Variants in UNC13C observed in about 807,000 individuals in gnomAD.
UNC13C encodes the protein unc-13 homolog C.
UNC13C carries 174 observed loss-of-function variants against 245.4 expected under a neutral mutation model. That is an observed-to-expected ratio of 0.71 (90% CI 0.63 to 0.80). The LOEUF (loss-of-function observed/expected upper bound fraction) is 0.80. UNC13C is among the 30% of genes least tolerant of loss of function. UNC13C has a pLI of 0.00. For synonymous variants in UNC13C, 992 were observed against 895.1 expected, an observed-to-expected ratio of 1.11 and a Z score of -1.93; for missense variants, 2,829 against 2,602.9, an observed-to-expected ratio of 1.09 and a Z score of -1.89.
At chr15:54,579,541 G>A (rs1019668691) in intron 30 of UNC13C, among the ~76,000 whole-genome samples, 2 of 152,110 alleles carry the variant, frequency 1.3e-5, no homozygotes, top group East Asian at 3.9e-4. Flanking sequence ...GGCAGATCAC[G>A]AGGTCAGGAG....
Position 54,329,759 on chromosome 15 carries a change from G to A in UNC13C, c.4426-2284G>A, listed in dbSNP as rs932010468. On this transcript the variant is annotated intron_variant, in intron 14 of 32. Transcript: ENST00000260323. The stretch of plus-strand genomic sequence containing the variant: ...CTGGCTTTCAGTGACAAGAAGCCCA[G>A]CAGTTTTCTTCACAGTTTTCTATTT... 5.3e-5 allele frequency among the ~76,000 whole-genome samples: 8 copies of A among 152,114 alleles called. No homozygotes were observed. In the East Asian group the frequency reaches 1.5e-3, roughly 29 times the overall value.
the UNC13C span, among the ~76,000 whole-genome samples, chr15:53,860,231 G>C: frequency 6.7e-6 from 1 of 149,316 alleles, no homozygotes; most frequent in Non-Finnish European, 1.5e-5. Flanking sequence ...GTTAGATTCA[G>C]ATGATAATCA....
intron 30 of UNC13C, among the ~76,000 whole-genome samples, chr15:54,610,477 C>A (rs557213825): frequency 6.6e-6 from 1 of 152,176 alleles, no homozygotes; most frequent in South Asian, 2.1e-4. Flanking sequence ...CTCAAGTGAT[C>A]CACCCACCTC....
intron 2 of UNC13C, among the ~76,000 whole-genome samples, chr15:54,126,142 A>G (rs912332287): frequency 6.6e-6 from 1 of 152,198 alleles, no homozygotes; most frequent in Non-Finnish European, 1.5e-5. Flanking sequence ...CATATCAATA[A>G]TTACATTAAA....
At chr15:54,617,084 G>A (rs1020203353) in intron 30 of UNC13C, among the ~76,000 whole-genome samples, 1 of 152,036 alleles carries the variant, frequency 6.6e-6, no homozygotes, top group Non-Finnish European at 1.5e-5. Flanking sequence ...GTTTGTGTAA[G>A]TACACTTGAT....
intron 19 of UNC13C, among the ~76,000 whole-genome samples, chr15:54,460,667 G>T (rs146380826): frequency 7.2e-5 from 11 of 152,334 alleles, no homozygotes; most frequent in African/African-American, 2.4e-4. Context: ...TACGTCCTTT[G>T]TCTTCACAGT....
chr15:54,065,293 A>G (rs1165876122), intron 2 of UNC13C, among the ~76,000 whole-genome samples: 4 of 152,202 alleles, frequency 2.6e-5, no homozygotes, highest in Non-Finnish European at 4.4e-5. Flanking sequence ...TGAGTTGCCA[A>G]CAGCCTTAGT....
chr15:54,165,942 A>G (rs2033149642), intron 4 of UNC13C, among the ~76,000 whole-genome samples: 1 of 151,878 alleles, frequency 6.6e-6, no homozygotes, highest in Non-Finnish European at 1.5e-5. Context: ...GTGAATTCAA[A>G]ATGTTTTCTT....
At chr15:53,925,296 T>A in the UNC13C span, among the ~76,000 whole-genome samples, 1 of 152,224 alleles carries the variant, frequency 6.6e-6, no homozygotes, top group Non-Finnish European at 1.5e-5. Context: ...TTTCTTGTTA[T>A]AAAATTTAAA....
intron 2 of UNC13C, among the ~76,000 whole-genome samples, chr15:54,110,582 A>G (rs1371519254): frequency 6.6e-6 from 1 of 152,240 alleles, no homozygotes; most frequent in East Asian, 1.9e-4. Context: ...AGAGGATTAC[A>G]CTTATTAAGA....
At chr15:54,559,298 A>G (rs1452369132) in intron 29 of UNC13C, among the ~76,000 whole-genome samples, 1 of 151,992 alleles carries the variant, frequency 6.6e-6, no homozygotes, top group Non-Finnish European at 1.5e-5. Context: ...ATGGTGATGA[A>G]CCACATTTTA....
chr15:54,099,605 G>C (rs1900058591), intron 2 of UNC13C, among the ~76,000 whole-genome samples: 1 of 152,070 alleles, frequency 6.6e-6, no homozygotes, highest in African/African-American at 2.4e-5. Flanking sequence ...CAGAGGAGAA[G>C]CCCATCATCA....
the UNC13C span, among the ~76,000 whole-genome samples, chr15:53,883,409 T>A: frequency 1.3e-5 from 2 of 152,196 alleles, no homozygotes; most frequent in African/African-American, 4.8e-5. Flanking sequence ...ACATGTCTCA[T>A]GTTTTGGGGC....
At chr15:54,056,584 C>A (rs1472434329) in intron 2 of UNC13C, among the ~76,000 whole-genome samples, 4 of 152,158 alleles carry the variant, frequency 2.6e-5, no homozygotes, top group Non-Finnish European at 5.9e-5. Context: ...GGCAGGCCAA[C>A]ATTCAAATTC....
the UNC13C span, among the ~76,000 whole-genome samples, chr15:53,968,473 G>A: frequency 6.6e-6 from 1 of 152,136 alleles, no homozygotes; most frequent in Non-Finnish European, 1.5e-5. Context: ...GTGGAGTTAA[G>A]CAGATATACC....
chr15:54,238,708 G>A (rs751125438), intron 7 of UNC13C, among the ~76,000 whole-genome samples: 1 of 152,136 alleles, frequency 6.6e-6, no homozygotes, highest in African/African-American at 2.4e-5. Flanking sequence ...ACTATAACTT[G>A]TTTGTTGTTC....
chr15:54,500,119 G>C lies in UNC13C; in HGVS notation c.5101G>C (p.Glu1701Gln), dbSNP rs768039530. 2 of 1,611,264 alleles carry C rather than the reference G, an allele frequency of 1.2e-6. No homozygotes were observed. The highest frequency in any genetic ancestry group is 1.7e-5 in the Admixed American group (1 of 59,342). ...PFVMQWLDEN[E>Q]DVSMEFLHGA... is the part of the protein sequence containing the mutation. Reference sequence around the variant, plus strand: ...TGTCATGCAATGGCTAGATGAAAACGAAGATGTGTCAATGGAATTCCTTCA... The same window carrying C: ...TGTCATGCAATGGCTAGATGAAAACCAAGATGTGTCAATGGAATTCCTTCA... The change falls in exon 21 of 33, where the codon GAA becomes CAA. Residue 1701 changes from glutamate to glutamine, a missense_variant. Physicochemically the swap from Glu to Gln is conservative, Grantham distance 29. Coordinates refer to ENST00000260323, the MANE Select transcript of UNC13C (RefSeq NM_001080534.3).
the UNC13C span, among the ~76,000 whole-genome samples, chr15:53,942,645 C>T: frequency 1.3e-5 from 2 of 151,572 alleles, no homozygotes; most frequent in South Asian, 2.1e-4. Flanking sequence ...TTCCAGGTAA[C>T]GATTTTCCTG....
intron 4 of UNC13C, among the ~76,000 whole-genome samples, chr15:54,178,543 G>A (rs1021338266): frequency 3.3e-5 from 5 of 152,100 alleles, no homozygotes; most frequent in African/African-American, 1.2e-4. Context: ...CTGTGGAAAC[G>A]AAAAGGATTA....
Sources: allele counts gnomAD v4.1 joint callset (sites outside exome capture counted in the v4.1 genomes callset), GRCh38; gene constraint gnomAD v4.1.1; transcripts MANE v1.5; gene names NCBI Gene and HGNC (gene_info 2026-07-23, HGNC 2026-07-21).